MEDAG: variants seen among roughly 807,000 people sequenced by gnomAD.
The protein encoded by MEDAG is mesenteric estrogen-dependent adipogenesis protein.
Under a neutral mutation model 29.9 loss-of-function variants are expected in MEDAG, and 25 were observed. The ratio of observed to expected loss-of-function variants is 0.84; its 90% CI spans 0.61 to 1.17. The LOEUF (loss-of-function observed/expected upper bound fraction) is 1.17. Ranked by LOEUF, MEDAG falls within the 50% of genes most tolerant of loss-of-function variation. The pLI is 0.00. For synonymous variants in MEDAG, 158 were observed against 148.2 expected (o/e 1.07, Z -0.48); for missense variants, 398 against 372.9 (o/e 1.07, Z -0.56).
At chr13:30,908,743 C>T (rs545358441) in intron 1 of MEDAG, 1 of 144,362 alleles carries the variant, frequency 6.9e-6, no homozygotes, top group South Asian at 2.4e-4. Flanking sequence ...CCCTTCCTTC[C>T]TTCCTTCTTT....
intron 1 of MEDAG, among the ~76,000 whole-genome samples, chr13:30,913,590 G>A (rs1346237409): frequency 1.3e-5 from 2 of 152,104 alleles, no homozygotes; most frequent in East Asian, 1.9e-4. Context: ...CACCCCAGAA[G>A]CATTTTGGGG....
In MEDAG at chr13:30,921,547, C is replaced by A; in HGVS notation, c.502-14C>A. ...ATGTCCATTAAGTCAATGCAATGTTCCTCTCTCTTTCAGTTTGATTTTCAA... is the reference window on the plus strand; with the variant it reads ...ATGTCCATTAAGTCAATGCAATGTTACTCTCTCTTTCAGTTTGATTTTCAA... On this transcript the variant is annotated splice_polypyrimidine_tract_variant and intron_variant, in intron 3 of 4. Coordinates refer to ENST00000380482, the MANE Select transcript of MEDAG (RefSeq NM_032849.4). 1.3e-6 allele frequency: 2 copies of A among 1,589,478 alleles called. No homozygotes were observed. The highest frequency in any genetic ancestry group is 1.2e-5 in the South Asian group (1 of 85,258).
At chr13:30,919,691 G>A (rs1008977570) in intron 2 of MEDAG, among the ~76,000 whole-genome samples, 1 of 152,170 alleles carries the variant, frequency 6.6e-6, no homozygotes, top group Admixed American at 6.5e-5. Flanking sequence ...ACTTGCTGTT[G>A]GTGGACCGAA....
rs183807550 is a variant in MEDAG, at chr13:30,913,448, G to A, written c.279-3955G>A. On this transcript the variant is annotated intron_variant, in intron 1 of 4. Transcript: ENST00000380482. ...GTCTGGAACTGTGTTGCCCAGGCTG[G>A]TCTACAACTCCTTGCCTCAAGCAGT... 5.3e-5 allele frequency among the ~76,000 whole-genome samples: 8 copies of A among 152,228 alleles called. No homozygotes were observed. The East Asian group carries it at 7.7e-4, about 15-fold the overall frequency.
chr13:30,912,364 A>G (rs1952889675), intron 1 of MEDAG, among the ~76,000 whole-genome samples: 1 of 152,188 alleles, frequency 6.6e-6, no homozygotes, highest in Non-Finnish European at 1.5e-5. Context: ...TTCCCCCAAG[A>G]GTAAAATGGC....
At chr13:30,908,088 G>A (rs188732929) in intron 1 of MEDAG, among the ~76,000 whole-genome samples, 11 of 152,342 alleles carry the variant, frequency 7.2e-5, no homozygotes, top group Admixed American at 5.2e-4. Context: ...CAGAATGAAC[G>A]AAGCCGTAAG....
intron 1 of MEDAG, 32 bp from the exon 2 acceptor site, chr13:30,917,371 T>G: frequency 3.2e-6 from 4 of 1,255,444 alleles, no homozygotes; most frequent in Non-Finnish European, 4.7e-6. Flanking sequence ...AAAGGGTACG[T>G]TACATTTGCA....
intron 3 of MEDAG, 38 bp from the exon 4 acceptor site, chr13:30,921,523 T>C (rs749583539): frequency 3.2e-6 from 5 of 1,547,172 alleles, no homozygotes; most frequent in Non-Finnish European, 3.5e-6. Flanking sequence ...AGGATACTTA[T>C]GTCCATTAAG....
intron 2 of MEDAG, among the ~76,000 whole-genome samples, chr13:30,918,563 A>G (rs2138124528): frequency 6.6e-6 from 1 of 152,352 alleles, no homozygotes; most frequent in East Asian, 1.9e-4. Context: ...AAATTTCAGT[A>G]TGAAAATGTC....
At chr13:30,910,383 G>T (rs878888330) in intron 1 of MEDAG, among the ~76,000 whole-genome samples, 1 of 152,162 alleles carries the variant, frequency 6.6e-6, no homozygotes, top group Non-Finnish European at 1.5e-5. Flanking sequence ...TACTCGAATG[G>T]TGTAAAGTAT....
In MEDAG at chr13:30,924,293, T is replaced by G. The variant is rs765956435; in HGVS notation, c.788-18T>G. ...TTCAGTGATGGTAATAATGCATGCT[T>G]TGTTTACTGTTTTTTAGGTTCAATA... is the stretch of plus-strand genomic sequence containing the variant. On this transcript the variant is annotated intron_variant, in intron 4 of 4. Transcript: ENST00000380482. The G allele has an allele frequency of 6.2e-7, 1 of 1,605,232 alleles. No homozygotes were observed. The highest frequency in any genetic ancestry group is 8.5e-7 in the Non-Finnish European group (1 of 1,175,446).
chr13:30,920,182 G>A (rs2138126333), intron 2 of MEDAG, among the ~76,000 whole-genome samples: 1 of 152,286 alleles, frequency 6.6e-6, no homozygotes, highest in Middle Eastern at 3.4e-3. Context: ...GGAGAGCTGG[G>A]CATGGGGTAG....
intron 4 of MEDAG, 153 bp downstream of exon 4, chr13:30,921,999 T>A: frequency 1.2e-6 from 1 of 804,194 alleles, no homozygotes. Flanking sequence ...GGGGCATGTT[T>A]ATTACCAAAA....
chr13:30,913,231 G>A (rs1272229136), intron 1 of MEDAG, among the ~76,000 whole-genome samples: 1 of 152,072 alleles, frequency 6.6e-6, no homozygotes, highest in African/African-American at 2.4e-5. Context: ...TTGTTTGTTT[G>A]TTGAGATAGG....
chr13:30,923,373 T>C (rs1953008326), intron 4 of MEDAG, among the ~76,000 whole-genome samples: 2 of 151,990 alleles, frequency 1.3e-5, no homozygotes, highest in South Asian at 4.2e-4. Flanking sequence ...TGTGTGTTTT[T>C]CTCTCCTGCT....
intron 2 of MEDAG, among the ~76,000 whole-genome samples, chr13:30,918,853 C>T (rs1466509494): frequency 6.6e-6 from 1 of 152,148 alleles, no homozygotes; most frequent in Non-Finnish European, 1.5e-5. Context: ...ACAAGAAGTG[C>T]TCATTAGAAC....
At chr13:30,911,009 C>T (rs1952877096) in intron 1 of MEDAG, among the ~76,000 whole-genome samples, 1 of 152,212 alleles carries the variant, frequency 6.6e-6, no homozygotes, top group Non-Finnish European at 1.5e-5. Flanking sequence ...GAAATAATAA[C>T]CATCCATGCA....
intron 4 of MEDAG, 77 bp from the exon 5 acceptor site, chr13:30,924,234 A>G: frequency 1.4e-6 from 2 of 1,417,086 alleles, no homozygotes; most frequent in South Asian, 1.4e-5. Context: ...GTTAGGTTGC[A>G]TGAATTTGAA....
intron 1 of MEDAG, among the ~76,000 whole-genome samples, chr13:30,911,131 T>C (rs1952878449): frequency 6.6e-6 from 1 of 152,194 alleles, no homozygotes; most frequent in Non-Finnish European, 1.5e-5. Flanking sequence ...TTTCCTCAAC[T>C]ATAAAGTGGG....
Sources: allele counts gnomAD v4.1 joint callset (sites outside exome capture counted in the v4.1 genomes callset), GRCh38; gene constraint gnomAD v4.1.1; transcripts MANE v1.5; gene names NCBI Gene and HGNC (gene_info 2026-07-23, HGNC 2026-07-21).